UTP6: variants seen among roughly 807,000 people sequenced by gnomAD.
UTP6 encodes the protein UTP6 small subunit processome component.
Under a neutral mutation model 96.5 loss-of-function variants are expected in UTP6, and 60 were observed. That is an observed-to-expected ratio of 0.62 (90% confidence interval 0.51 to 0.77). The LOEUF is 0.77. Among genes scored for constraint, UTP6 ranks in the 30% least tolerant of loss-of-function variants. The pLI, the probability that UTP6 is intolerant of heterozygous loss-of-function variation, is 0.00. For missense variants in UTP6, 637 were observed against 706.5 expected (o/e 0.90, Z 1.12); for synonymous variants, 215 against 240.1 (o/e 0.90, Z 0.96).
intron 1 of UTP6, among the ~76,000 whole-genome samples, chr17:31,900,775 C>T (rs1478968922): frequency 8.5e-5 from 13 of 152,098 alleles, no homozygotes; most frequent in Admixed American, 8.5e-4. Flanking sequence ...GAGTCCTTAG[C>T]TAAGGAATGA....
chr17:31,875,802 G>A (rs1339351295), intron 13 of UTP6, among the ~76,000 whole-genome samples: 1 of 143,408 alleles, frequency 7.0e-6, no homozygotes, highest in Non-Finnish European at 1.5e-5. Flanking sequence ...CAACCTCGGC[G>A]ACAGAGCAAC....
Position 31,884,472 on chromosome 17 carries a change from G to C in UTP6, c.737C>G (p.Ala246Gly). 2 of 1,611,336 alleles carry C rather than the reference G, an allele frequency of 1.2e-6. No homozygotes were observed. The highest frequency in any genetic ancestry group is 1.7e-6 in the Non-Finnish European group (2 of 1,178,804). Residue 246 changes from alanine (A) to glycine (G), a missense_variant, in exon 10 of 19, where the codon GCA becomes GGA. Physicochemically the swap from Ala to Gly is moderately conservative, Grantham distance 60. Coordinates refer to ENST00000261708, the MANE Select transcript of UTP6 (RefSeq NM_018428.3). ...AEFHVSLLSI[A>G]QLFDFAKDLQ... ...ATCTTTGGCAAAGTCAAATAGCTGT[G>C]CAATCGAAAGCAGTGACACGTGAAA...
chr17:31,861,726 T>C lies in UTP6; in HGVS notation c.*1633A>G, dbSNP rs527276748. 1 of 152,276 alleles carries C rather than the reference T, an allele frequency of 6.6e-6. No individual in the cohort carries two copies. The highest frequency in any genetic ancestry group is 1.5e-5 in the Non-Finnish European group (1 of 68,014). The allele number at this position is 152,276 out of a possible 1,614,324, so 9.4% of individuals were successfully genotyped here. A position where few individuals can be genotyped will look rare whatever the true frequency, so the allele number is the denominator to read the frequency against. On this transcript the variant is annotated 3_prime_UTR_variant, in exon 19 of 19. Transcript: ENST00000261708. ...TACACTAACTTCACTAATATCAAAG[T>C]ATGGTAAAACAATGACATATCACAT...
At chr17:31,900,745 G>A (rs1904932354) in intron 1 of UTP6, among the ~76,000 whole-genome samples, 2 of 152,088 alleles carry the variant, frequency 1.3e-5, no homozygotes. Context: ...TACTACGAAG[G>A]ACTTACGGGA....
chr17:31,891,856 C>T (rs887555424), intron 6 of UTP6, among the ~76,000 whole-genome samples: 1 of 152,154 alleles, frequency 6.6e-6, no homozygotes, highest in Non-Finnish European at 1.5e-5. Flanking sequence ...AACCCAGTCT[C>T]TACTAAAAAT....
chr17:31,892,604 A>C, intron 5 of UTP6, 143 bp downstream of exon 5: 1 of 899,848 alleles, frequency 1.1e-6, no homozygotes, highest in Non-Finnish European at 1.7e-6. Context: ...TCAGATATCC[A>C]ATGTTATATT....
intron 9 of UTP6, 63 bp downstream of exon 9, chr17:31,885,917 G>A: frequency 6.9e-7 from 1 of 1,457,540 alleles, no homozygotes; most frequent in Non-Finnish European, 9.5e-7. Context: ...ACTAGCTAAA[G>A]ATCTTCATTA....
intron 2 of UTP6, among the ~76,000 whole-genome samples, chr17:31,896,138 C>T (rs1369332211): frequency 1.3e-5 from 2 of 151,574 alleles, no homozygotes; most frequent in East Asian, 1.9e-4. Flanking sequence ...AGTGCAGTGG[C>T]GCAACCTAGG....
intron 13 of UTP6, among the ~76,000 whole-genome samples, chr17:31,876,675 A>G (rs550046838): frequency 6.6e-6 from 1 of 151,834 alleles, no homozygotes; most frequent in African/African-American, 2.4e-5. Context: ...AAAACAAAAC[A>G]GTTCACTATG....
At chr17:31,886,408 A>T (rs993602171) in intron 8 of UTP6, among the ~76,000 whole-genome samples, 1 of 152,206 alleles carries the variant, frequency 6.6e-6, no homozygotes, top group African/African-American at 2.4e-5. Context: ...TCATGCCTAT[A>T]ATCCTAGCAC....
chr17:31,889,206 G>C (rs891443471), intron 7 of UTP6, 79 bp downstream of exon 7: 16 of 1,111,368 alleles, frequency 1.4e-5, no homozygotes, highest in Non-Finnish European at 2.0e-5. Context: ...AGAATTGCTT[G>C]AATCCAGGAA....
intron 14 of UTP6, chr17:31,874,129 G>GCC: frequency 4.7e-6 from 1 of 212,772 alleles, no homozygotes; most frequent in Non-Finnish European, 9.2e-6. Flanking sequence ...GTAATTAACA[G>GCC]CCCACACAGT....
intron 13 of UTP6, among the ~76,000 whole-genome samples, chr17:31,876,542 G>A (rs1207061534): frequency 6.6e-6 from 1 of 151,886 alleles, no homozygotes; most frequent in East Asian, 2.0e-4. Context: ...TACTCGGGAG[G>A]CTGAGTCAGG....
chr17:31,888,062 AT>A (rs1911257391), intron 7 of UTP6: 1 of 150,730 alleles, frequency 6.6e-6, no homozygotes. Context: ...TCTTTCTCTT[AT>A]TTGGGATTTT....
intron 4 of UTP6, among the ~76,000 whole-genome samples, chr17:31,893,129 C>T (rs1350756612): frequency 6.6e-6 from 1 of 152,036 alleles, no homozygotes; most frequent in African/African-American, 2.4e-5. Context: ...AAAAATTAGC[C>T]GGACTTGGTG....
intron 2 of UTP6, among the ~76,000 whole-genome samples, chr17:31,897,238 G>C (rs1024617131): frequency 6.6e-6 from 1 of 151,606 alleles, no homozygotes; most frequent in African/African-American, 2.4e-5. Context: ...ATGAGTGCTC[G>C]CACCATTGCA....
chr17:31,872,323 T>C (rs1910220351), intron 16 of UTP6, among the ~76,000 whole-genome samples: 1 of 152,106 alleles, frequency 6.6e-6, no homozygotes, highest in Admixed American at 6.6e-5. Context: ...TAATAAATTA[T>C]CATGGTTATG....
intron 14 of UTP6, 39 bp from the exon 15 acceptor site, chr17:31,873,792 T>C: frequency 6.3e-7 from 1 of 1,582,324 alleles, no homozygotes; most frequent in Non-Finnish European, 8.6e-7. Flanking sequence ...GAGAACAGCA[T>C]ATAACAAAAC....
In UTP6 at chr17:31,873,773, T is replaced by C; in HGVS notation, c.1306-20A>G. The stretch of plus-strand genomic sequence containing the variant: ...ACAAACCTACTCCCAGTTTAAAAAA[T>C]GTTAGTTAGAGAACAGCATATAACA... On this transcript the variant is annotated intron_variant, in intron 14 of 18. Coordinates refer to ENST00000261708, the MANE Select transcript of UTP6 (RefSeq NM_018428.3). 6.2e-7 allele frequency: 1 copy of C among 1,600,582 alleles called. No homozygotes were observed. The highest frequency in any genetic ancestry group is 8.5e-7 in the Non-Finnish European group (1 of 1,177,030).
Sources: gnomAD v4.1 joint callset for allele counts (sites outside exome capture counted in the v4.1 genomes callset) on GRCh38, gnomAD v4.1.1 for gene constraint, MANE v1.5 for transcripts, NCBI Gene and HGNC (gene_info 2026-07-23, HGNC 2026-07-21) for gene names.